Variants in PCED1B observed in about 807,000 individuals in gnomAD.
The protein encoded by PCED1B is PC-esterase domain-containing protein 1B.
For missense variants in PCED1B, 573 were observed against 573.9 expected (o/e 1.00, Z 0.02); for synonymous variants, 251 against 246.1 (o/e 1.02, Z -0.19).
intron 1 of PCED1B, among the ~76,000 whole-genome samples, chr12:47,097,547 ATT>A (rs936532267): frequency 6.6e-6 from 1 of 152,094 alleles, no homozygotes; most frequent in African/African-American, 2.4e-5. Context: ...AGAAATTATC[ATT>A]GTTTGTGTAT....
At chr12:47,131,738 G>A (rs529731030) in intron 2 of PCED1B, among the ~76,000 whole-genome samples, 39 of 146,664 alleles carry the variant, frequency 2.7e-4, no homozygotes, top group African/African-American at 9.5e-4. Flanking sequence ...GCGCAATCTC[G>A]TCTCACTGCA....
chr12:47,233,806 T>TA (rs1943885006), intron 3 of PCED1B, among the ~76,000 whole-genome samples: 1 of 152,186 alleles, frequency 6.6e-6, no homozygotes, highest in African/African-American at 2.4e-5. Flanking sequence ...ATCCTCATGT[T>TA]AAAGTGCACA....
chr12:47,185,866 A>C (rs1942242892), intron 2 of PCED1B, among the ~76,000 whole-genome samples: 1 of 152,164 alleles, frequency 6.6e-6, no homozygotes, highest in Non-Finnish European at 1.5e-5. Flanking sequence ...AGTTTATTGA[A>C]ATATGCATTG....
At chr12:47,165,912 C>G (rs58734613) in intron 2 of PCED1B, among the ~76,000 whole-genome samples, 2,280 of 152,222 alleles carry the variant, frequency 0.015, 58 homozygotes, top group African/African-American at 0.052. Flanking sequence ...CATATGTCAA[C>G]AGCTATAATA....
chr12:47,092,745 C>T (rs1454468403), intron 1 of PCED1B, among the ~76,000 whole-genome samples: 2 of 151,964 alleles, frequency 1.3e-5, no homozygotes, highest in Admixed American at 6.5e-5. Context: ...TTATCAAATG[C>T]TTTTTCTGCA....
intron 2 of PCED1B, among the ~76,000 whole-genome samples, chr12:47,111,080 C>G (rs1939174901): frequency 6.6e-6 from 1 of 152,134 alleles, no homozygotes; most frequent in Non-Finnish European, 1.5e-5. Context: ...ATTTTTGGTA[C>G]AACTGAAGAG....
chr12:47,112,511 A>C (rs140475070), intron 2 of PCED1B, among the ~76,000 whole-genome samples: 1 of 152,172 alleles, frequency 6.6e-6, no homozygotes, highest in Non-Finnish European at 1.5e-5. Context: ...ACTTCCACTC[A>C]CTATTTCCCT....
At chr12:47,089,611 A>G (rs1386707557) in intron 1 of PCED1B, among the ~76,000 whole-genome samples, 1 of 151,242 alleles carries the variant, frequency 6.6e-6, no homozygotes, top group Non-Finnish European at 1.5e-5. Context: ...AATAAAGAAG[A>G]GTAATTCATT....
intron 2 of PCED1B, among the ~76,000 whole-genome samples, chr12:47,108,200 T>A (rs534586136): frequency 1.2e-4 from 19 of 152,202 alleles, no homozygotes; most frequent in African/African-American, 4.3e-4. Context: ...TGGATAACCC[T>A]GAGATCTGCT....
chr12:47,169,584 C>T (rs1308930597), intron 2 of PCED1B, among the ~76,000 whole-genome samples: 1 of 152,260 alleles, frequency 6.6e-6, no homozygotes. Context: ...TTCTGAAAGA[C>T]ATATATCGTA....
At chr12:47,101,386 C>T (rs537157910) in intron 1 of PCED1B, among the ~76,000 whole-genome samples, 4 of 152,076 alleles carry the variant, frequency 2.6e-5, no homozygotes, top group Admixed American at 2.0e-4. Context: ...CTTGTTCGTT[C>T]GTTTCTTTTT....
intron 2 of PCED1B, among the ~76,000 whole-genome samples, chr12:47,112,558 A>G (rs1272531909): frequency 6.6e-6 from 1 of 152,186 alleles, no homozygotes; most frequent in African/African-American, 2.4e-5. Context: ...ATTTTAGCTG[A>G]AGCTTTGTTT....
chr12:47,223,228 G>T (rs1943538434), intron 3 of PCED1B, among the ~76,000 whole-genome samples: 1 of 152,100 alleles, frequency 6.6e-6, no homozygotes, highest in Admixed American at 6.5e-5. Context: ...GGACTTGAGG[G>T]CTGGGTTTCT....
chr12:47,114,914 A>C (rs1022718220), intron 2 of PCED1B, among the ~76,000 whole-genome samples: 7 of 152,224 alleles, frequency 4.6e-5, no homozygotes, highest in African/African-American at 1.7e-4. Flanking sequence ...TACAGGTGGG[A>C]AGTAGATTTG....
intron 3 of PCED1B, among the ~76,000 whole-genome samples, chr12:47,232,842 GA>G (rs2137905109): frequency 6.6e-6 from 1 of 152,170 alleles, no homozygotes; most frequent in African/African-American, 2.4e-5. Flanking sequence ...ATTAACAGGA[GA>G]AAAAGCACAT....
At position 47,236,091 on chromosome 12, in the gene PCED1B, C is replaced by T. The variant is rs757280610; in HGVS notation, c.1028C>T (p.Ser343Phe). The part of the protein sequence containing the change: ...FPQGPPDACF[S>F]SDHTFQSDQF... ...CAGGGTCCCCCAGATGCCTGTTTTTCCTCAGACCATACTTTCCAGTCGGAT... is the reference window on the plus strand; with the variant it reads ...CAGGGTCCCCCAGATGCCTGTTTTTTCTCAGACCATACTTTCCAGTCGGAT... The change falls in exon 4 of 4, where the codon TCC (serine) becomes TTC (phenylalanine). Residue 343 changes from serine to phenylalanine, a missense_variant. Coordinates refer to ENST00000546455, the MANE Select transcript of PCED1B (RefSeq NM_138371.3). The T allele has an allele frequency of 1.2e-6, 2 of 1,614,124 alleles. No homozygotes were observed. Among genetic ancestry groups the T allele is most frequent in the South Asian group, 1.1e-5 (1 of 91,082 alleles).
At chr12:47,151,907 C>T (rs1941007343) in intron 2 of PCED1B, among the ~76,000 whole-genome samples, 1 of 152,188 alleles carries the variant, frequency 6.6e-6, no homozygotes. Context: ...GGAAGTAAGG[C>T]TTAATTGAAT....
At chr12:47,118,613 G>A (rs949860054) in intron 2 of PCED1B, among the ~76,000 whole-genome samples, 2 of 152,218 alleles carry the variant, frequency 1.3e-5, no homozygotes, top group Non-Finnish European at 2.9e-5. Context: ...ATAGTTTGAA[G>A]TCAGGTAGCA....
At chr12:47,138,073 T>A (rs956309908) in intron 2 of PCED1B, 2 of 152,180 alleles carry the variant, frequency 1.3e-5, no homozygotes, top group African/African-American at 2.4e-5. Flanking sequence ...CTTAAAAAAA[T>A]TTTCTTAAAA....
Sources: allele counts gnomAD v4.1 joint callset (sites outside exome capture counted in the v4.1 genomes callset), GRCh38; gene constraint gnomAD v4.1.1; transcripts MANE v1.5; gene names NCBI Gene and HGNC (gene_info 2026-07-23, HGNC 2026-07-21).